The following SIPA1L3 variants were observed in gnomAD, a reference collection of about 807,000 sequenced individuals.
SIPA1L3 encodes signal-induced proliferation-associated 1-like protein 3.
In SIPA1L3, 59 loss-of-function variants were observed where a neutral mutation model predicts 150.1. The observed-to-expected ratio is 0.39, with a 90% confidence interval of 0.32 to 0.49. The LOEUF is 0.49. SIPA1L3 is among the 20% of genes least tolerant of loss of function. The pLI is 0.86. For missense variants in SIPA1L3, 2,211 were observed against 2,489.5 expected (o/e 0.89, Z 2.38); for synonymous variants, 1,070 against 1,077.6 (o/e 0.99, Z 0.14).
rs925684372 is a variant in SIPA1L3, at chr19:38,081,648, G to A, written c.83G>A (p.Gly28Glu). The A allele has an allele frequency of 6.2e-7, 1 of 1,610,800 alleles. No individual in the cohort carries two copies. The highest frequency in any genetic ancestry group is 1.1e-5 in the South Asian group (1 of 91,028). ...CGARVGDVLP[G>E]PHTGDYAPLG... is the part of the protein sequence containing the mutation. Reference sequence around the variant, plus strand: ...GCCAGGGTGGGCGATGTCCTCCCTGGGCCACACACAGGGGACTACGCTCCC... The same window carrying A: ...GCCAGGGTGGGCGATGTCCTCCCTGAGCCACACACAGGGGACTACGCTCCC... Residue 28 changes from glycine to glutamate, a missense_variant, in exon 3 of 22, where the codon GGG becomes GAG. Physicochemically the swap from Gly to Glu is moderately conservative, Grantham distance 98. Transcript: ENST00000222345.
chr19:38,002,811 G>C (rs1159550140), intron 1 of SIPA1L3, among the ~76,000 whole-genome samples: 1 of 150,518 alleles, frequency 6.6e-6, no homozygotes, highest in Non-Finnish European at 1.5e-5. Context: ...CACTTGGGAT[G>C]CTTCTACCTT....
intron 1 of SIPA1L3, among the ~76,000 whole-genome samples, chr19:38,009,869 C>T (rs959528368): frequency 2.6e-5 from 4 of 152,074 alleles, no homozygotes; most frequent in African/African-American, 4.8e-5. Flanking sequence ...TTAATCATGT[C>T]GCAAAGCCCT....
intron 1 of SIPA1L3, among the ~76,000 whole-genome samples, chr19:37,987,224 G>A (rs976910078): frequency 3.9e-5 from 6 of 152,028 alleles, no homozygotes; most frequent in East Asian, 3.9e-4. Context: ...CACCGCGCCC[G>A]GACACATCTG....
chr19:37,936,314 C>T (rs1006345894), intron 1 of SIPA1L3, among the ~76,000 whole-genome samples: 3 of 152,194 alleles, frequency 2.0e-5, no homozygotes, highest in African/African-American at 2.4e-5. Flanking sequence ...CACCTGCCAG[C>T]ACTCCATCCA....
intron 1 of SIPA1L3, among the ~76,000 whole-genome samples, chr19:37,969,256 A>G (rs1473398812): frequency 2.0e-5 from 3 of 151,178 alleles, no homozygotes; most frequent in Non-Finnish European, 4.4e-5. Flanking sequence ...AAAAGAAAAG[A>G]AAAAAACCTT....
intron 2 of SIPA1L3, among the ~76,000 whole-genome samples, chr19:38,043,710 C>T (rs981065174): frequency 1.3e-5 from 2 of 152,158 alleles, no homozygotes; most frequent in Admixed American, 6.5e-5. Context: ...CCTCACCATC[C>T]GTAATCATCA....
intron 8 of SIPA1L3, among the ~76,000 whole-genome samples, chr19:38,111,566 G>A (rs886264670): frequency 2.0e-5 from 3 of 152,194 alleles, no homozygotes; most frequent in African/African-American, 7.2e-5. Flanking sequence ...TGCACCAGTA[G>A]TCACCGCGAA....
intron 1 of SIPA1L3, among the ~76,000 whole-genome samples, chr19:37,955,110 G>T (rs1349966347): frequency 1.7e-5 from 2 of 115,502 alleles, no homozygotes; most frequent in Admixed American, 8.9e-5. Context: ...AAAAAAAAAA[G>T]GCCAGGCATG....
intron 18 of SIPA1L3, among the ~76,000 whole-genome samples, chr19:38,194,462 C>CA (rs1568604486): frequency 6.6e-6 from 1 of 152,124 alleles, no homozygotes; most frequent in East Asian, 1.9e-4. Flanking sequence ...GTTTAGGGTC[C>CA]ATAGTCCCCC....
At chr19:38,044,141 G>A (rs1210458587) in intron 2 of SIPA1L3, among the ~76,000 whole-genome samples, 1 of 152,204 alleles carries the variant, frequency 6.6e-6, no homozygotes, top group African/African-American at 2.4e-5. Flanking sequence ...CACCAGCTGA[G>A]GGGTGAAGAT....
At chr19:38,201,286 C>G (rs2093347019) in intron 19 of SIPA1L3, among the ~76,000 whole-genome samples, 1 of 152,248 alleles carries the variant, frequency 6.6e-6, no homozygotes, top group South Asian at 2.1e-4. Flanking sequence ...TCAGGTGCCC[C>G]CAGTGCCAGT....
chr19:37,950,076 CAAAAAAAAAAAAA>C (rs35506284), intron 1 of SIPA1L3, among the ~76,000 whole-genome samples: 2 of 55,708 alleles, frequency 3.6e-5, no homozygotes, highest in Non-Finnish European at 7.4e-5. Flanking sequence ...GACTGTGTCT[CAAAAAAAAAAAAA>C]AAAAAAAAAA....
intron 2 of SIPA1L3, among the ~76,000 whole-genome samples, chr19:38,042,903 T>C (rs1229742958): frequency 2.0e-5 from 3 of 152,208 alleles, no homozygotes; most frequent in South Asian, 4.1e-4. Flanking sequence ...CTTTGGAATG[T>C]GTTGGAATCT....
intron 21 of SIPA1L3, among the ~76,000 whole-genome samples, chr19:38,205,675 T>G (rs1973194726): frequency 6.6e-6 from 1 of 152,154 alleles, no homozygotes; most frequent in Non-Finnish European, 1.5e-5. Context: ...GAAGGGGGTC[T>G]GCTCAGGCCA....
chr19:37,913,109 A>T (rs940050077), intron 1 of SIPA1L3, among the ~76,000 whole-genome samples: 2 of 152,106 alleles, frequency 1.3e-5, no homozygotes, highest in African/African-American at 4.8e-5. Context: ...TAAGATGTGC[A>T]CTGAGCTTTT....
At chr19:38,016,348 A>G (rs978064215) in intron 1 of SIPA1L3, among the ~76,000 whole-genome samples, 3 of 152,204 alleles carry the variant, frequency 2.0e-5, no homozygotes, top group African/African-American at 7.2e-5. Context: ...TGGACTATAT[A>G]TACGAATCAA....
At position 38,206,242 on chromosome 19, in the gene SIPA1L3, G is replaced by T. The variant is rs1232880449; in HGVS notation, c.*2G>T. On this transcript the variant is annotated 3_prime_UTR_variant, in exon 22 of 22. Coordinates refer to ENST00000222345, the MANE Select transcript of SIPA1L3 (RefSeq NM_015073.3). ...TGCAGGGAGAAGAAGGAGCTCTGAG[G>T]TGGGAGGCCGCCGCCCGCCTTCGCT... The T allele has an allele frequency of 6.5e-7, 1 of 1,547,622 alleles. No homozygotes were observed. Among genetic ancestry groups the T allele is most frequent in the Non-Finnish European group, 8.7e-7 (1 of 1,143,120 alleles).
rs748901960 is a variant in SIPA1L3, at chr19:38,193,689, G to A, written c.4749G>A (p.Thr1583=). ...FTSTCAFPSS[T]LPARRQHQHP... Reference sequence around the variant, plus strand: ...GCACCTGCGCCTTCCCGTCCAGCACGCTGCCTGCACGCCGCCAGCACCAGC... The same window carrying A: ...GCACCTGCGCCTTCCCGTCCAGCACACTGCCTGCACGCCGCCAGCACCAGC... Residue 1583 remains threonine, a synonymous_variant, in exon 18 of 22, where the codon ACG becomes ACA. Coordinates refer to ENST00000222345, the MANE Select transcript of SIPA1L3 (RefSeq NM_015073.3). 2.1e-5 allele frequency: 33 copies of A among 1,574,148 alleles called. No individual in the cohort carries two copies. The highest frequency in any genetic ancestry group is 6.8e-5 in the African/African-American group (5 of 73,588).
At chr19:37,930,287 C>T (rs766271751) in intron 1 of SIPA1L3, among the ~76,000 whole-genome samples, 5 of 152,068 alleles carry the variant, frequency 3.3e-5, no homozygotes, top group East Asian at 1.9e-4. Context: ...GCTGGGATTA[C>T]AGGCGTGAGC....
Sources: allele counts gnomAD v4.1 joint callset (sites outside exome capture counted in the v4.1 genomes callset), GRCh38; gene constraint gnomAD v4.1.1; transcripts MANE v1.5; gene names NCBI Gene and HGNC (gene_info 2026-07-23, HGNC 2026-07-21).